PLCB1: variants seen among roughly 807,000 people sequenced by gnomAD.
The protein encoded by PLCB1 is 1-phosphatidylinositol 4,5-bisphosphate phosphodiesterase beta-1.
PLCB1 carries 46 observed loss-of-function variants against 161.8 expected under a neutral mutation model. The observed-to-expected ratio is 0.28, with a 90% CI of 0.22 to 0.36. The LOEUF is 0.36. PLCB1 is among the 10% of genes least tolerant of loss of function. The probability of loss-of-function intolerance (pLI) is 1.00; values close to 1 mark genes in which losing one functional copy is unlikely to be tolerated. For synonymous variants in PLCB1, 517 were observed against 503.7 expected (o/e 1.03, Z -0.35); for missense variants, 1,016 against 1,472.5 (o/e 0.69, Z 5.07).
chr20:8,566,894 A>G (rs1336648513), intron 3 of PLCB1, among the ~76,000 whole-genome samples: 1 of 151,940 alleles, frequency 6.6e-6, no homozygotes, highest in Non-Finnish European at 1.5e-5. Flanking sequence ...TGGCAAAAGA[A>G]TATATTGATA....
rs1392960199 is a variant in PLCB1, at chr20:8,485,426, A to G, written c.246+113976A>G. Among the ~76,000 whole-genome samples the G allele has an allele frequency of 2.0e-5, 3 of 152,264 alleles. 1 individual carries two copies. The highest frequency in any genetic ancestry group is 4.1e-4 in the South Asian group (2 of 4,834). On this transcript the variant is annotated intron_variant, in intron 3 of 31. Coordinates refer to ENST00000338037, the MANE Select transcript of PLCB1 (RefSeq NM_015192.4). ...AATTGTAAGCTGCCTAAAGGCAGAAAAGATAATGTATTTAAATATGTCTTC... is the reference window on the plus strand; with the variant it reads ...AATTGTAAGCTGCCTAAAGGCAGAAGAGATAATGTATTTAAATATGTCTTC...
chr20:8,143,135 T>C (rs2051420701), intron 1 of PLCB1, among the ~76,000 whole-genome samples: 1 of 152,192 alleles, frequency 6.6e-6, no homozygotes, highest in Non-Finnish European at 1.5e-5. Context: ...CAACACAATG[T>C]TCCCCAGTCC....
At chr20:8,763,331 G>GCCTCA (rs1982142922) in intron 25 of PLCB1, among the ~76,000 whole-genome samples, 1 of 152,088 alleles carries the variant, frequency 6.6e-6, no homozygotes, top group African/African-American at 2.4e-5. Flanking sequence ...CCTCCCGAGT[G>GCCTCA]GCTGGGATTA....
chr20:8,818,399 T>A (rs866034254), intron 31 of PLCB1, among the ~76,000 whole-genome samples: 8 of 152,278 alleles, frequency 5.3e-5, no homozygotes, highest in Middle Eastern at 6.8e-3. Context: ...CTCCATATGC[T>A]AGTCAGACAA....
intron 2 of PLCB1, among the ~76,000 whole-genome samples, chr20:8,349,043 T>C (rs903346737): frequency 2.6e-5 from 4 of 151,972 alleles, no homozygotes; most frequent in African/African-American, 7.2e-5. Flanking sequence ...CACACACACA[T>C]AAATATATAC....
At chr20:8,702,476 G>A (rs1189740103) in intron 11 of PLCB1, among the ~76,000 whole-genome samples, 1 of 152,076 alleles carries the variant, frequency 6.6e-6, no homozygotes, top group Non-Finnish European at 1.5e-5. Context: ...GTTAAATCCA[G>A]CATTTCTGAA....
intron 3 of PLCB1, among the ~76,000 whole-genome samples, chr20:8,544,367 A>G (rs1204992837): frequency 6.6e-6 from 1 of 152,216 alleles, no homozygotes; most frequent in Admixed American, 6.5e-5. Flanking sequence ...TCAAAGTGAT[A>G]CCGAAATGCA....
intron 31 of PLCB1, among the ~76,000 whole-genome samples, chr20:8,812,977 G>C (rs908589480): frequency 1.3e-5 from 2 of 152,160 alleles, no homozygotes; most frequent in East Asian, 1.9e-4. Context: ...GCCATTTCCC[G>C]AGCAGGCAGC....
chr20:8,334,450 C>G (rs900306427), intron 2 of PLCB1, among the ~76,000 whole-genome samples: 5 of 152,062 alleles, frequency 3.3e-5, no homozygotes, highest in African/African-American at 1.2e-4. Context: ...TTTTCCTTCC[C>G]CGGACTTCAT....
intron 2 of PLCB1, among the ~76,000 whole-genome samples, chr20:8,247,166 T>G (rs2123215369): frequency 6.6e-6 from 1 of 152,066 alleles, no homozygotes; most frequent in Non-Finnish European, 1.5e-5. Flanking sequence ...TGCCCTATTG[T>G]GCCAAGAAAA....
intron 5 of PLCB1, among the ~76,000 whole-genome samples, chr20:8,647,098 C>T (rs1297609153): frequency 1.3e-5 from 2 of 152,190 alleles, no homozygotes; most frequent in Non-Finnish European, 2.9e-5. Context: ...CGCCTCCTCT[C>T]CTGAGTTTGT....
At chr20:8,737,911 C>G (rs1980667506) in intron 20 of PLCB1, among the ~76,000 whole-genome samples, 1 of 152,194 alleles carries the variant, frequency 6.6e-6, no homozygotes, top group Non-Finnish European at 1.5e-5. Flanking sequence ...TTACTTCTTA[C>G]AGTTATTATG....
At chr20:8,847,355 T>C (rs1986726139) in intron 31 of PLCB1, among the ~76,000 whole-genome samples, 1 of 152,148 alleles carries the variant, frequency 6.6e-6, no homozygotes, top group Admixed American at 6.6e-5. Context: ...TAGACACACA[T>C]CCAAGATCTG....
chr20:8,518,842 A>G (rs892992349), intron 3 of PLCB1, among the ~76,000 whole-genome samples: 17 of 151,958 alleles, frequency 1.1e-4, no homozygotes, highest in African/African-American at 4.1e-4. Context: ...CTGCAACTAG[A>G]TGGTCCCATC....
intron 31 of PLCB1, among the ~76,000 whole-genome samples, chr20:8,849,380 T>G (rs375196039): frequency 1.3e-5 from 2 of 152,044 alleles, no homozygotes; most frequent in African/African-American, 4.8e-5. Context: ...CTGACAGAGT[T>G]AAGAACCAAG....
At chr20:8,538,795 C>CT (rs3032826) in intron 3 of PLCB1, among the ~76,000 whole-genome samples, 3,126 of 141,620 alleles carry the variant, frequency 0.022, 43 homozygotes, top group South Asian at 0.042. Context: ...TTACAGCTAA[C>CT]TTTTTTTTTT....
intron 2 of PLCB1, among the ~76,000 whole-genome samples, chr20:8,329,564 A>G (rs1408484730): frequency 6.6e-6 from 1 of 152,024 alleles, no homozygotes; most frequent in Non-Finnish European, 1.5e-5. Flanking sequence ...TTCTCCTTTC[A>G]ATTTCCAGAA....
intron 3 of PLCB1, among the ~76,000 whole-genome samples, chr20:8,443,415 A>G (rs1402078822): frequency 6.6e-6 from 1 of 152,184 alleles, no homozygotes; most frequent in African/African-American, 2.4e-5. Context: ...TTTATAAGGT[A>G]ATGGAAGAGT....
At chr20:8,275,885 G>A (rs1368499036) in intron 2 of PLCB1, among the ~76,000 whole-genome samples, 1 of 151,384 alleles carries the variant, frequency 6.6e-6, no homozygotes, top group Non-Finnish European at 1.5e-5. Flanking sequence ...TTTATCTTTT[G>A]TCAGTGTCAA....
Sources: allele counts gnomAD v4.1 joint callset (sites outside exome capture counted in the v4.1 genomes callset), GRCh38; gene constraint gnomAD v4.1.1; transcripts MANE v1.5; gene names NCBI Gene and HGNC (gene_info 2026-07-23, HGNC 2026-07-21).